The following ASTN1 variants were observed in gnomAD, a reference collection of about 807,000 sequenced individuals.
ASTN1 encodes the protein astrotactin 1, also known as astrotactin-1.
In ASTN1, 41 loss-of-function variants were observed where a neutral mutation model predicts 140.7. The observed-to-expected ratio is 0.29, with a 90% confidence interval of 0.23 to 0.38. The LOEUF (loss-of-function observed/expected upper bound fraction) is 0.38, where lower values mean the gene tolerates loss of function less well. Ranked by LOEUF, ASTN1 falls within the 10% of genes least tolerant of loss-of-function variation. The probability of loss-of-function intolerance (pLI) is 1.00; values close to 1 mark genes in which losing one functional copy is unlikely to be tolerated. For missense variants in ASTN1, 1,479 were observed against 1,678.8 expected (o/e 0.88, Z 2.08); for synonymous variants, 640 against 652.2 (o/e 0.98, Z 0.29).
At chr1:177,148,779 G>T (rs1682836607) in intron 1 of ASTN1, among the ~76,000 whole-genome samples, 1 of 151,820 alleles carries the variant, frequency 6.6e-6, no homozygotes, top group South Asian at 2.1e-4. Flanking sequence ...CTGAGATGAT[G>T]ATAGAAGTTT....
At chr1:176,894,864 A>T (rs1669439957) in intron 16 of ASTN1, 34 bp from the exon 17 acceptor site, 1 of 1,609,262 alleles carries the variant, frequency 6.2e-7, no homozygotes, top group Admixed American at 1.7e-5. Context: ...ACAGTGAAGG[A>T]GTCAAAAAAG....
At position 176,994,107 on chromosome 1, in the gene ASTN1, C is replaced by CG. The variant is rs200632606; in HGVS notation, c.1523+20683_1523+20684insC. Among the ~76,000 whole-genome samples the CG allele has an allele frequency of 6.4e-3, 977 of 151,626 alleles. 10 individuals are homozygous for CG. The highest frequency in any genetic ancestry group is 0.022 in the African/African-American group (919 of 41,170). On this transcript the variant is annotated intron_variant, in intron 8 of 22. Transcript: ENST00000361833. ...TACTTGAAAGTTTTCACCCCACCCC[C>CG]CCCGCCACCCACCAATGAGAACTAA... is the stretch of plus-strand genomic sequence containing the variant.
intron 2 of ASTN1, among the ~76,000 whole-genome samples, chr1:177,054,485 C>T (rs1037465061): frequency 3.9e-5 from 6 of 152,184 alleles, no homozygotes; most frequent in African/African-American, 1.2e-4. Flanking sequence ...CTAAAGGAAA[C>T]GGCTCTGACC....
intron 8 of ASTN1, among the ~76,000 whole-genome samples, chr1:177,000,931 T>G (rs1273263087): frequency 6.6e-6 from 1 of 152,206 alleles, no homozygotes; most frequent in Admixed American, 6.5e-5. Flanking sequence ...CACCTCTATG[T>G]GTCTAGAATT....
At chr1:177,104,940 T>C (rs1680481718) in intron 1 of ASTN1, among the ~76,000 whole-genome samples, 7 of 152,076 alleles carry the variant, frequency 4.6e-5, no homozygotes, top group Admixed American at 4.6e-4. Flanking sequence ...TCATGAAGTA[T>C]CATTTTGAAA....
intron 16 of ASTN1, among the ~76,000 whole-genome samples, chr1:176,907,959 C>G (rs1461523779): frequency 6.6e-6 from 1 of 152,160 alleles, no homozygotes; most frequent in Non-Finnish European, 1.5e-5. Flanking sequence ...AAACCTAAAA[C>G]AGCATAACTG....
chr1:176,978,422 A>T (rs115023262), intron 8 of ASTN1, among the ~76,000 whole-genome samples: 7,649 of 152,266 alleles, frequency 0.05, 277 homozygotes, highest in South Asian at 0.13. Context: ...TAAAATGAGT[A>T]CTTAGGATCT....
chr1:177,071,006 G>A (rs1028405781), intron 1 of ASTN1, among the ~76,000 whole-genome samples: 2 of 152,102 alleles, frequency 1.3e-5, no homozygotes, highest in Admixed American at 6.5e-5. Flanking sequence ...ACAGAATTAA[G>A]CAAATTATAC....
chr1:176,861,277 A>G lies in ASTN1; in HGVS notation c.*3007T>C. ...AAGTGTAGTTAACTAAAAAATAATG[A>G]ACGGACCAAACTCCATGGAAAACGA... On this transcript the variant is annotated 3_prime_UTR_variant, in exon 23 of 23. Coordinates refer to ENST00000361833, the MANE Select transcript of ASTN1 (RefSeq NM_004319.3). The G allele has an allele frequency of 2.0e-6, 2 of 985,562 alleles. No individual in the cohort carries two copies. Among genetic ancestry groups the G allele is most frequent in the Non-Finnish European group, 2.4e-6 (2 of 829,646 alleles). 61.1% of individuals were successfully genotyped at this position (985,562 alleles called of 1,614,324 possible).
chr1:176,990,482 G>T (rs76803678), intron 8 of ASTN1, among the ~76,000 whole-genome samples: 549 of 151,664 alleles, frequency 3.6e-3, no homozygotes, highest in African/African-American at 0.012. Flanking sequence ...GGGAGAATAA[G>T]TAGAGAAAAA....
chr1:177,138,302 C>T (rs1682294164), intron 1 of ASTN1, among the ~76,000 whole-genome samples: 1 of 152,178 alleles, frequency 6.6e-6, no homozygotes, highest in African/African-American at 2.4e-5. Flanking sequence ...TCTCTTATCA[C>T]GGGACCATAG....
intron 1 of ASTN1, among the ~76,000 whole-genome samples, chr1:177,076,292 AAAAG>A (rs1214512637): frequency 2.0e-5 from 3 of 149,760 alleles, no homozygotes; most frequent in Non-Finnish European, 3.0e-5. Context: ...AAAAAAAAAA[AAAAG>A]AAAGAAAGAA....
intron 8 of ASTN1, among the ~76,000 whole-genome samples, chr1:176,974,999 AG>A (rs543307193): frequency 2.6e-5 from 4 of 152,216 alleles, no homozygotes; most frequent in Non-Finnish European, 5.9e-5. Context: ...TAGAGGGAGA[AG>A]GGCTAGCTGC....
intron 16 of ASTN1, among the ~76,000 whole-genome samples, chr1:176,908,132 A>AAC (rs10669124): frequency 0.16 from 23,707 of 149,654 alleles, 2,326 homozygotes; most frequent in African/African-American, 0.28. Context: ...TCTCTTATGC[A>AAC]ACACACACAC....
At chr1:177,116,742 T>A (rs1681109549) in intron 1 of ASTN1, among the ~76,000 whole-genome samples, 1 of 152,142 alleles carries the variant, frequency 6.6e-6, no homozygotes, top group South Asian at 2.1e-4. Flanking sequence ...TTACTGCTGG[T>A]CACATCCTCA....
chr1:176,884,694 A>G (rs1431377029), intron 18 of ASTN1, among the ~76,000 whole-genome samples: 1 of 152,236 alleles, frequency 6.6e-6, no homozygotes, highest in Non-Finnish European at 1.5e-5. Context: ...TGCCTGTTAC[A>G]TATTATAAAC....
chr1:176,918,168 C>T (rs762858422), intron 16 of ASTN1, among the ~76,000 whole-genome samples: 3 of 152,064 alleles, frequency 2.0e-5, no homozygotes, highest in Admixed American at 6.5e-5. Context: ...TTGCGGCACC[C>T]CCTACCCCAA....
At position 177,061,230 on chromosome 1, in the gene ASTN1, G is replaced by T; in HGVS notation, c.319C>A (p.Arg107Ser). The T allele has an allele frequency of 6.3e-7, 1 of 1,593,404 alleles. No homozygotes were observed. Among genetic ancestry groups the T allele is most frequent in the Non-Finnish European group, 8.5e-7 (1 of 1,169,876 alleles). Residue 107 changes from arginine to serine, a missense_variant, in exon 2 of 23, where the codon CGC (arginine) becomes AGC (serine). By Grantham distance (110) the Arg-to-Ser change is moderately radical (BLOSUM62 -1). Transcript: ENST00000361833. Reference protein sequence around the residue: ...SGNTEDIPLVRWRQQWLENGT... With the variant: ...SGNTEDIPLVSWRQQWLENGT... ...TTCTCCAGCCACTGCTGCCTCCAGCGCACCAAAGGGATATCCTCTGTGTTC... is the reference window on the plus strand; with the variant it reads ...TTCTCCAGCCACTGCTGCCTCCAGCTCACCAAAGGGATATCCTCTGTGTTC...
intron 2 of ASTN1, among the ~76,000 whole-genome samples, chr1:177,046,110 T>G (rs1205941027): frequency 6.6e-6 from 1 of 152,098 alleles, no homozygotes; most frequent in African/African-American, 2.4e-5. Flanking sequence ...ACCAACACTT[T>G]TCCATAGTTT....
Sources: gnomAD v4.1 joint callset for allele counts (sites outside exome capture counted in the v4.1 genomes callset) on GRCh38, gnomAD v4.1.1 for gene constraint, MANE v1.5 for transcripts, NCBI Gene and HGNC (gene_info 2026-07-23, HGNC 2026-07-21) for gene names.